Variants in CATSPERB observed in about 807,000 individuals in gnomAD.
CATSPERB encodes catsper channel auxiliary subunit beta.
A neutral mutation model predicts 128.3 loss-of-function variants in CATSPERB; 93 were observed. The observed-to-expected ratio is 0.72, with a 90% CI of 0.61 to 0.86. CATSPERB has a LOEUF of 0.86. CATSPERB is among the 40% of genes least tolerant of loss of function. CATSPERB has a pLI of 0.00. For synonymous variants in CATSPERB, 381 were observed against 448.8 expected, an observed-to-expected ratio of 0.85 and a Z score of 1.91; for missense variants, 1,153 against 1,329.5, an observed-to-expected ratio of 0.87 and a Z score of 2.06.
At chr14:91,635,232 A>T (rs931725880) in intron 17 of CATSPERB, among the ~76,000 whole-genome samples, 2 of 152,092 alleles carry the variant, frequency 1.3e-5, no homozygotes, top group African/African-American at 4.8e-5. Context: ...GAGGGTTAGG[A>T]TTTCCACATA....
intron 16 of CATSPERB, among the ~76,000 whole-genome samples, chr14:91,638,798 G>C (rs1894430470): frequency 6.6e-6 from 1 of 152,128 alleles, no homozygotes; most frequent in South Asian, 2.1e-4. Context: ...TGGGAGTAAT[G>C]GTTCTAGCTT....
chr14:91,654,720 A>G (rs1415280399), intron 15 of CATSPERB, among the ~76,000 whole-genome samples: 2 of 152,104 alleles, frequency 1.3e-5, no homozygotes, highest in Non-Finnish European at 2.9e-5. Flanking sequence ...TGGACTCATC[A>G]CCTGCTGATT....
chr14:91,702,707 A>ACACACACACAC (rs1555364571), intron 7 of CATSPERB, among the ~76,000 whole-genome samples: 2 of 76,144 alleles, frequency 2.6e-5, no homozygotes, highest in African/African-American at 9.0e-5. Context: ...CACACACACA[A>ACACACACACAC]ACCAAAAACA....
intron 22 of CATSPERB, chr14:91,605,362 T>C (rs547596761): frequency 4.7e-6 from 3 of 638,878 alleles, no homozygotes; most frequent in South Asian, 2.0e-5. Context: ...AGAGCTGGAC[T>C]GGAAAAAAGG....
chr14:91,700,037 A>G (rs1172361598), intron 7 of CATSPERB, among the ~76,000 whole-genome samples: 1 of 151,828 alleles, frequency 6.6e-6, no homozygotes, highest in Non-Finnish European at 1.5e-5. Flanking sequence ...GCACCCATCA[A>G]CCCATCATTT....
intron 15 of CATSPERB, among the ~76,000 whole-genome samples, chr14:91,645,788 TGG>T (rs1566716722): frequency 6.9e-6 from 1 of 144,728 alleles, no homozygotes. Context: ...TGGGCAATGG[TGG>T]GCGCCCCTCC....
intron 7 of CATSPERB, among the ~76,000 whole-genome samples, chr14:91,699,862 C>T (rs963495777): frequency 6.6e-6 from 1 of 151,902 alleles, no homozygotes; most frequent in East Asian, 1.9e-4. Flanking sequence ...CATGAGTCAC[C>T]GTGCCCAGCC....
chr14:91,696,228 C>G (rs1895559152), intron 7 of CATSPERB, among the ~76,000 whole-genome samples: 1 of 152,158 alleles, frequency 6.6e-6, no homozygotes, highest in South Asian at 2.1e-4. Context: ...TAAGGAAGGA[C>G]AGTCAAAAAC....
At chr14:91,609,127 G>A (rs1893771297) in intron 21 of CATSPERB, among the ~76,000 whole-genome samples, 1 of 152,056 alleles carries the variant, frequency 6.6e-6, no homozygotes, top group Non-Finnish European at 1.5e-5. Context: ...TTTACAAGGT[G>A]AATTGTCTGT....
rs117327104 is a variant in CATSPERB at position 91,716,783 on chromosome 14, T to G, written c.370+2635A>C. On this transcript the variant is annotated intron_variant, in intron 5 of 26. Coordinates refer to ENST00000256343, the MANE Select transcript of CATSPERB (RefSeq NM_024764.4). ...CACATACACTAAGTTCTGGCCTGGA[T>G]GCAGATCACCTGGTGGTCAGAATGC... Among the ~76,000 whole-genome samples the G allele has an allele frequency of 9.7e-3, 1,468 of 151,740 alleles. 16 individuals are homozygous for G. The highest frequency in any genetic ancestry group is 0.015 in the Admixed American group (228 of 15,234).
At chr14:91,675,181 G>A (rs2139833804) in intron 11 of CATSPERB, among the ~76,000 whole-genome samples, 1 of 152,350 alleles carries the variant, frequency 6.6e-6, no homozygotes, top group Middle Eastern at 3.4e-3. Flanking sequence ...GGCCGCAGCA[G>A]TGTGTCAGGG....
chr14:91,632,151 A>G (rs1040846876), intron 17 of CATSPERB, among the ~76,000 whole-genome samples: 8 of 152,196 alleles, frequency 5.3e-5, no homozygotes, highest in Admixed American at 5.2e-4. Flanking sequence ...CTCTCCAACT[A>G]AAGGACAGAA....
intron 19 of CATSPERB, among the ~76,000 whole-genome samples, chr14:91,619,747 T>C (rs1396721163): frequency 6.6e-6 from 1 of 152,086 alleles, no homozygotes; most frequent in Admixed American, 6.5e-5. Flanking sequence ...TAAAGTTCTT[T>C]TCCTCAATTT....
chr14:91,681,061 G>A (rs533210799), intron 11 of CATSPERB, among the ~76,000 whole-genome samples: 38 of 152,260 alleles, frequency 2.5e-4, no homozygotes, highest in Non-Finnish European at 4.1e-4. Context: ...AAGGTAAACG[G>A]AGTCATATGT....
At chr14:91,595,167 C>G (rs61991988) in intron 22 of CATSPERB, among the ~76,000 whole-genome samples, 1 of 152,026 alleles carries the variant, frequency 6.6e-6, no homozygotes, top group African/African-American at 2.4e-5. Flanking sequence ...CACGGTATGA[C>G]TGGTATGCTT....
At chr14:91,625,439 T>C (rs1894141926) in intron 17 of CATSPERB, among the ~76,000 whole-genome samples, 1 of 152,184 alleles carries the variant, frequency 6.6e-6, no homozygotes, top group African/African-American at 2.4e-5. Context: ...TATACAAATA[T>C]ATTCATTAGG....
At chr14:91,693,065 TTC>T (rs1595181380) in intron 9 of CATSPERB, 59 bp downstream of exon 9, 1 of 1,150,024 alleles carries the variant, frequency 8.7e-7, no homozygotes. Context: ...TATTAAATAT[TTC>T]TTTTTGTGTC....
chr14:91,646,630 T>C (rs544067275), intron 15 of CATSPERB, among the ~76,000 whole-genome samples: 2 of 152,330 alleles, frequency 1.3e-5, no homozygotes, highest in South Asian at 4.1e-4. Flanking sequence ...ATGCTTACTC[T>C]GCTTCAGCTA....
At chr14:91,678,092 G>C (rs757381575) in intron 11 of CATSPERB, among the ~76,000 whole-genome samples, 7 of 152,152 alleles carry the variant, frequency 4.6e-5, no homozygotes, top group Non-Finnish European at 1.0e-4. Flanking sequence ...TGGGGGGCAA[G>C]GGGGGAGAGA....
Sources: gnomAD v4.1 joint callset for allele counts (sites outside exome capture counted in the v4.1 genomes callset) on GRCh38, gnomAD v4.1.1 for gene constraint, MANE v1.5 for transcripts, NCBI Gene and HGNC (gene_info 2026-07-23, HGNC 2026-07-21) for gene names.